Variants in TRIO observed in about 807,000 individuals in gnomAD.
TRIO encodes trio Rho guanine nucleotide exchange factor, also known as triple functional domain protein.
Under a neutral mutation model 351.9 loss-of-function variants are expected in TRIO, and 58 were observed. The ratio of observed to expected loss-of-function variants is 0.16; its 90% CI spans 0.13 to 0.21. The LOEUF (loss-of-function observed/expected upper bound fraction) is 0.21. Among genes scored for constraint, TRIO ranks in the 10% least tolerant of loss-of-function variants. The probability of loss-of-function intolerance (pLI) is 1.00; values close to 1 mark genes in which losing one functional copy is unlikely to be tolerated. For synonymous variants in TRIO, 1,758 were observed against 1,595.7 expected (o/e 1.10, Z -2.42); for missense variants, 3,201 against 4,027.8 (o/e 0.79, Z 5.56).
Position 14,381,164 on chromosome 5 carries a change from A to G in TRIO, c.3482A>G (p.Tyr1161Cys), listed in dbSNP as rs1746067912. Reference sequence around the variant, plus strand: ...TGGATCCATGACAATGGCGAGTTCTACCTTTCCACACACACCTCCACGGGC... The same window carrying G: ...TGGATCCATGACAATGGCGAGTTCTGCCTTTCCACACACACCTCCACGGGC... ...LEWIHDNGEFYLSTHTSTGSS... is the reference protein window; with the variant it reads ...LEWIHDNGEFCLSTHTSTGSS... The change falls in exon 21 of 57, where the codon TAC becomes TGC. Residue 1161 changes from tyrosine to cysteine, a missense_variant. Around this residue, in one of 19 missense-constraint regions of TRIO, gnomAD observed 201 missense variants for 266.5 expected, o/e 0.75. Coordinates refer to ENST00000344204, the MANE Select transcript of TRIO (RefSeq NM_007118.4). The G allele has an allele frequency of 1.2e-6, 2 of 1,613,830 alleles. No individual in the cohort carries two copies. The highest frequency in any genetic ancestry group is 1.3e-5 in the African/African-American group (1 of 74,852).
intron 13 of TRIO, among the ~76,000 whole-genome samples, chr5:14,360,795 G>C (rs769681140): frequency 6.6e-6 from 1 of 152,198 alleles, no homozygotes; most frequent in Non-Finnish European, 1.5e-5. Flanking sequence ...CTAAGTCTCC[G>C]GCACTGTTTT....
chr5:14,238,367 G>GT (rs1793912361), intron 1 of TRIO, among the ~76,000 whole-genome samples: 2 of 152,168 alleles, frequency 1.3e-5, no homozygotes, highest in African/African-American at 2.4e-5. Context: ...CAGTGCTAGG[G>GT]TTTTTTCCCT....
chr5:14,426,158 C>G lies in TRIO; in HGVS notation c.5203+6137C>G, dbSNP rs1449832469. 2.0e-5 allele frequency among the ~76,000 whole-genome samples: 3 copies of G among 152,150 alleles called. No individual in the cohort carries two copies. In the East Asian group the frequency reaches 5.8e-4, roughly 29 times the overall value. The stretch of plus-strand genomic sequence containing the variant: ...GCTTAAATTTCTTTGGCGACTTTCT[C>G]TTGGTCAGAGAATAAAATTCAGCTT... On this transcript the variant is annotated intron_variant, in intron 34 of 56. Coordinates refer to ENST00000344204, the MANE Select transcript of TRIO (RefSeq NM_007118.4).
chr5:14,371,466 C>G (rs904309671), intron 18 of TRIO, among the ~76,000 whole-genome samples: 3 of 152,106 alleles, frequency 2.0e-5, no homozygotes, highest in Non-Finnish European at 2.9e-5. Flanking sequence ...ATATATCTAC[C>G]TTCAGTGGAT....
At chr5:14,150,414 C>T (rs573332392) in intron 1 of TRIO, among the ~76,000 whole-genome samples, 45 of 152,056 alleles carry the variant, frequency 3.0e-4, no homozygotes, top group African/African-American at 1.1e-3. Context: ...CAGACCTTTA[C>T]ACACATGCAC....
At chr5:14,193,455 A>G (rs1790569765) in intron 1 of TRIO, among the ~76,000 whole-genome samples, 1 of 152,216 alleles carries the variant, frequency 6.6e-6, no homozygotes, top group Admixed American at 6.5e-5. Context: ...AAAATATGAA[A>G]ACATAAACAT....
intron 19 of TRIO, among the ~76,000 whole-genome samples, chr5:14,377,419 T>A (rs1373589026): frequency 6.6e-6 from 1 of 152,072 alleles, no homozygotes; most frequent in Non-Finnish European, 1.5e-5. Context: ...CTAATTTTTG[T>A]ATTTTTAGTA....
intron 6 of TRIO, 89 bp from the exon 7 acceptor site, chr5:14,296,982 GT>G: frequency 9.1e-7 from 1 of 1,103,782 alleles, no homozygotes; most frequent in Non-Finnish European, 1.3e-6. Flanking sequence ...TTAGAAGCCT[GT>G]GTTTCAGCAG....
At chr5:14,249,972 T>C (rs1156560818) in intron 1 of TRIO, among the ~76,000 whole-genome samples, 1 of 152,226 alleles carries the variant, frequency 6.6e-6, no homozygotes, top group Non-Finnish European at 1.5e-5. Context: ...AATTATCCTG[T>C]TAAACAGTGT....
At chr5:14,350,261 T>C (rs751122064) in intron 11 of TRIO, among the ~76,000 whole-genome samples, 2 of 152,188 alleles carry the variant, frequency 1.3e-5, no homozygotes, top group Non-Finnish European at 2.9e-5. Flanking sequence ...GGAATTACAC[T>C]TTGGCCAACC....
intron 1 of TRIO, among the ~76,000 whole-genome samples, chr5:14,248,207 C>G (rs181397322): frequency 2.0e-5 from 3 of 152,094 alleles, no homozygotes; most frequent in Admixed American, 6.5e-5. Flanking sequence ...GGTAATGCAC[C>G]AAGTTAAAAT....
chr5:14,210,619 T>C (rs1300219149), intron 1 of TRIO, among the ~76,000 whole-genome samples: 7 of 152,000 alleles, frequency 4.6e-5, no homozygotes, highest in South Asian at 2.1e-4. Context: ...TTGTTGTTGT[T>C]GTCGTGGTTT....
At chr5:14,423,974 T>G (rs1475860877) in intron 34 of TRIO, among the ~76,000 whole-genome samples, 2 of 149,614 alleles carry the variant, frequency 1.3e-5, no homozygotes, top group Non-Finnish European at 3.0e-5. Context: ...AACCAGGAGT[T>G]TGAGACTACA....
rs1446465561 is a variant in TRIO at position 14,226,628 on chromosome 5, A to C, written c.158-44197A>C. On this transcript the variant is annotated intron_variant, in intron 1 of 56. Transcript: ENST00000344204. ...TTATGCATTTATAAGAGGCTGTAAG[A>C]CATGGAATTTCTAATAATCACAACG... 2.0e-5 allele frequency among the ~76,000 whole-genome samples: 3 copies of C among 152,370 alleles called. No homozygotes were observed. The East Asian group carries it at 5.8e-4, about 29-fold the overall frequency.
chr5:14,277,677 G>A (rs1194898875), intron 2 of TRIO, among the ~76,000 whole-genome samples: 1 of 152,152 alleles, frequency 6.6e-6, no homozygotes, highest in Non-Finnish European at 1.5e-5. Flanking sequence ...ACTTTTCTGC[G>A]TTATACTCAG....
At chr5:14,180,485 T>C (rs962219923) in intron 1 of TRIO, among the ~76,000 whole-genome samples, 4 of 152,196 alleles carry the variant, frequency 2.6e-5, no homozygotes, top group Admixed American at 6.5e-5. Flanking sequence ...AGAATCACAT[T>C]TTTAACTTAA....
chr5:14,225,656 C>CT (rs1237763753), intron 1 of TRIO, among the ~76,000 whole-genome samples: 9 of 152,198 alleles, frequency 5.9e-5, no homozygotes, highest in Admixed American at 3.3e-4. Context: ...GGTCATCTCT[C>CT]TGACACTGCA....
chr5:14,310,661 T>C (rs1463438681), intron 8 of TRIO, among the ~76,000 whole-genome samples: 2 of 152,354 alleles, frequency 1.3e-5, no homozygotes, highest in South Asian at 4.1e-4. Context: ...GTGATGTGTG[T>C]GGAAGCTCAG....
intron 28 of TRIO, among the ~76,000 whole-genome samples, chr5:14,395,811 C>T (rs780317855): frequency 2.6e-5 from 4 of 151,978 alleles, no homozygotes; most frequent in African/African-American, 4.8e-5. Context: ...TTTGGGAGGC[C>T]GAGGCAGGCG....
Sources: allele counts gnomAD v4.1 joint callset (sites outside exome capture counted in the v4.1 genomes callset), GRCh38; gene constraint gnomAD v4.1.1; regional missense constraint gnomAD v4.1.1; transcripts MANE v1.5; gene names NCBI Gene and HGNC (gene_info 2026-07-23, HGNC 2026-07-21).